Variants in MGAT4C observed in about 807,000 individuals in gnomAD.
The protein encoded by MGAT4C is MGAT4 family member C.
MGAT4C carries 19 observed loss-of-function variants against 40.1 expected under a neutral mutation model. That is an observed-to-expected ratio of 0.47 (90% confidence interval 0.33 to 0.70). The LOEUF (loss-of-function observed/expected upper bound fraction) is 0.70. MGAT4C is among the 30% of genes least tolerant of loss of function. The pLI, the probability that MGAT4C is intolerant of heterozygous loss-of-function variation, is 0.02. For missense variants in MGAT4C, 491 were observed against 563.2 expected, an observed-to-expected ratio of 0.87 and a Z score of 1.30; for synonymous variants, 181 against 187.1, an observed-to-expected ratio of 0.97 and a Z score of 0.27.
At chr12:86,130,487 G>A (rs1881015369) in intron 1 of MGAT4C, among the ~76,000 whole-genome samples, 1 of 151,938 alleles carries the variant, frequency 6.6e-6, no homozygotes, top group Admixed American at 6.6e-5. Flanking sequence ...ATAATATAAG[G>A]CAATGCTTTC....
intron 1 of MGAT4C, among the ~76,000 whole-genome samples, chr12:86,761,131 GT>G (rs1329913809): frequency 1.3e-5 from 2 of 152,136 alleles, no homozygotes; most frequent in Non-Finnish European, 2.9e-5. Flanking sequence ...TGGGCATAAT[GT>G]TTTGGAAAGT....
intron 2 of MGAT4C, among the ~76,000 whole-genome samples, chr12:86,683,774 A>C (rs1950024031): frequency 6.6e-6 from 1 of 152,092 alleles, no homozygotes; most frequent in Non-Finnish European, 1.5e-5. Context: ...TTTTCTTCTC[A>C]TGATAAACGT....
chr12:86,812,044 T>G (rs4447237), intron 1 of MGAT4C, among the ~76,000 whole-genome samples: 96,814 of 152,116 alleles, frequency 0.64, 32,110 homozygotes, highest in Non-Finnish European at 0.72. Flanking sequence ...TTTTTTAAAA[T>G]ATTTTATATT....
intron 2 of MGAT4C, among the ~76,000 whole-genome samples, chr12:86,567,992 C>T (rs1457979168): frequency 1.3e-5 from 2 of 152,092 alleles, no homozygotes; most frequent in Non-Finnish European, 2.9e-5. Context: ...TAATTAAGAA[C>T]TTATTATTCT....
chr12:86,086,626 G>A (rs1249395144), intron 1 of MGAT4C, among the ~76,000 whole-genome samples: 2 of 151,990 alleles, frequency 1.3e-5, no homozygotes, highest in Non-Finnish European at 2.9e-5. Context: ...TCCAATTAGT[G>A]TAACTGGGGT....
intron 2 of MGAT4C, among the ~76,000 whole-genome samples, chr12:86,563,851 C>T (rs1016873066): frequency 6.6e-6 from 1 of 152,102 alleles, no homozygotes; most frequent in Non-Finnish European, 1.5e-5. Context: ...CAGTGTGTTC[C>T]TGGACTCATC....
intron 1 of MGAT4C, among the ~76,000 whole-genome samples, chr12:86,755,605 T>C: frequency 6.6e-6 from 1 of 151,498 alleles, no homozygotes; most frequent in Non-Finnish European, 1.5e-5. Flanking sequence ...TCTTTCTCTC[T>C]CTCTCTTTCT....
Position 85,962,244 on chromosome 12 carries a change from ATGCATTC to A in MGAT4C, c.*17038_*17044del, listed in dbSNP as rs1883149215. 1 of 151,690 alleles carries A rather than the reference ATGCATTC, an allele frequency of 6.6e-6. No homozygotes were observed. The highest frequency in any genetic ancestry group is 2.4e-5 in the African/African-American group (1 of 41,394). The allele number at this position is 151,690 out of a possible 1,614,324, so 9.4% of individuals were successfully genotyped here. A position where few individuals can be genotyped will look rare whatever the true frequency, so the allele number is the denominator to read the frequency against. ...ACATTCATTCATGTAGTATTTTCAC[ATGCATTC>A]TGGTCTAAATATCCCAACATATCTT... On this transcript the variant is annotated 3_prime_UTR_variant, in exon 5 of 5. Transcript: ENST00000611864.
chr12:86,414,097 C>A (rs865881587), intron 3 of MGAT4C, among the ~76,000 whole-genome samples: 1 of 151,562 alleles, frequency 6.6e-6, no homozygotes, highest in Admixed American at 6.6e-5. Context: ...ACATGAAAAG[C>A]AACTTGAATA....
intron 1 of MGAT4C, among the ~76,000 whole-genome samples, chr12:86,061,593 C>T (rs1052835899): frequency 6.6e-6 from 1 of 152,084 alleles, no homozygotes; most frequent in Non-Finnish European, 1.5e-5. Flanking sequence ...GGTCTCACCC[C>T]CATGGAGCCC....
intron 1 of MGAT4C, among the ~76,000 whole-genome samples, chr12:86,769,764 G>A (rs577255436): frequency 1.3e-5 from 2 of 152,044 alleles, no homozygotes; most frequent in South Asian, 2.1e-4. Flanking sequence ...CTATCGCAAG[G>A]ACAAAAAACC....
intron 1 of MGAT4C, among the ~76,000 whole-genome samples, chr12:86,785,959 G>T (rs1951925203): frequency 6.6e-6 from 1 of 151,822 alleles, no homozygotes; most frequent in Non-Finnish European, 1.5e-5. Context: ...ATTCTTCTTG[G>T]GTCGTTAAGC....
chr12:86,169,691 G>A (rs1344264429), intron 1 of MGAT4C, among the ~76,000 whole-genome samples: 1 of 152,066 alleles, frequency 6.6e-6, no homozygotes, highest in African/African-American at 2.4e-5. Context: ...AAATCAGGCG[G>A]AGAGGCACAG....
chr12:86,673,871 T>G (rs1314278964), intron 2 of MGAT4C, among the ~76,000 whole-genome samples: 1 of 152,068 alleles, frequency 6.6e-6, no homozygotes, highest in African/African-American at 2.4e-5. Flanking sequence ...TGAACATTTT[T>G]TATGAAGGGA....
At chr12:86,073,867 G>T (rs545261545) in intron 1 of MGAT4C, among the ~76,000 whole-genome samples, 1 of 152,234 alleles carries the variant, frequency 6.6e-6, no homozygotes. Flanking sequence ...AATGAGATAA[G>T]ACTTTGGGGG....
intron 3 of MGAT4C, among the ~76,000 whole-genome samples, chr12:85,989,139 G>A (rs1337206637): frequency 2.0e-5 from 3 of 151,978 alleles, no homozygotes; most frequent in Non-Finnish European, 4.4e-5. Flanking sequence ...TCTGCATAGT[G>A]ATGATAGCTA....
intron 3 of MGAT4C, among the ~76,000 whole-genome samples, chr12:86,335,678 T>C (rs908212666): frequency 1.3e-5 from 2 of 152,150 alleles, no homozygotes; most frequent in African/African-American, 4.8e-5. Flanking sequence ...AATTATACTG[T>C]TATTTAAAGC....
chr12:86,280,952 C>A (rs930173510), intron 4 of MGAT4C, among the ~76,000 whole-genome samples: 1 of 151,884 alleles, frequency 6.6e-6, no homozygotes, highest in African/African-American at 2.4e-5. Context: ...CAATCTTTGT[C>A]TTTTAATTAG....
At chr12:86,450,916 A>G in intron 2 of MGAT4C, among the ~76,000 whole-genome samples, 1 of 152,270 alleles carries the variant, frequency 6.6e-6, no homozygotes, top group Non-Finnish European at 1.5e-5. Context: ...ATATATTGCA[A>G]TAGATATAGT....
Sources: gnomAD v4.1 joint callset for allele counts (sites outside exome capture counted in the v4.1 genomes callset) on GRCh38, gnomAD v4.1.1 for gene constraint, MANE v1.5 for transcripts, NCBI Gene and HGNC (gene_info 2026-07-23, HGNC 2026-07-21) for gene names.